INPP5D: variants seen among roughly 807,000 people sequenced by gnomAD.
INPP5D encodes the protein phosphatidylinositol 3,4,5-trisphosphate 5-phosphatase 1.
A neutral mutation model predicts 122.9 loss-of-function variants in INPP5D; 33 were observed. The observed-to-expected ratio is 0.27, with a 90% CI of 0.20 to 0.36. The LOEUF (loss-of-function observed/expected upper bound fraction) is 0.36, where lower values mean the gene tolerates loss of function less well. Ranked by LOEUF, INPP5D falls within the 10% of genes least tolerant of loss-of-function variation. The pLI is 1.00. For missense variants in INPP5D, 1,053 were observed against 1,412.7 expected (o/e 0.75, Z 4.08); for synonymous variants, 584 against 576.2 (o/e 1.01, Z -0.19).
intron 2 of INPP5D, among the ~76,000 whole-genome samples, chr2:233,112,534 A>G (rs1439819810): frequency 1.3e-5 from 2 of 152,180 alleles, no homozygotes; most frequent in Non-Finnish European, 2.9e-5. Flanking sequence ...GCTATCTTTC[A>G]TGGAGGATGA....
At chr2:233,194,531 T>G (rs1695134543) in intron 23 of INPP5D, among the ~76,000 whole-genome samples, 1 of 127,238 alleles carries the variant, frequency 7.9e-6, no homozygotes, top group African/African-American at 3.0e-5. Context: ...AGAGTCTCAC[T>G]CTGTGGCTCA....
chr2:233,163,947 C>T (rs753257884), intron 12 of INPP5D, 44 bp downstream of exon 12: 3 of 1,597,500 alleles, frequency 1.9e-6, no homozygotes, highest in Non-Finnish European at 2.6e-6. Context: ...GGGATAGAAT[C>T]TTTGCTCGGC....
rs1444784028 is a variant in INPP5D at position 233,183,757 on chromosome 2, G to C, written c.2162-651G>C. 6.6e-6 allele frequency among the ~76,000 whole-genome samples: 1 copy of C among 152,232 alleles called. No individual in the cohort carries two copies. The highest frequency in any genetic ancestry group is 1.5e-5 in the Non-Finnish European group (1 of 68,046). On this transcript the variant is annotated intron_variant, in intron 19 of 26. Transcript: ENST00000445964. This position sits in a 1 kb window ranked among gnomAD's most constrained non-coding sequence, Gnocchi z 4.6. The stretch of plus-strand genomic sequence containing the variant: ...CTGGGCACTGTGGGATTTAGAAAGA[G>C]AAAGGAAAGAAGGAAGGATGTGAGG...
intron 9 of INPP5D, among the ~76,000 whole-genome samples, chr2:233,152,427 T>C (rs1325922922): frequency 6.6e-6 from 1 of 152,170 alleles, no homozygotes; most frequent in Non-Finnish European, 1.5e-5. Flanking sequence ...GGTACCAGGC[T>C]TTGGGATGCG....
At position 233,078,501 on chromosome 2, in the gene INPP5D, G is replaced by A. The variant is rs77431459; in HGVS notation, c.135-834G>A. 0.01 allele frequency among the ~76,000 whole-genome samples: 1,548 copies of A among 152,274 alleles called. 31 individuals are homozygous for A. Among genetic ancestry groups the A allele is most frequent in the African/African-American group, 0.036 (1,481 of 41,542 alleles). ...ATCCACGGGGCATAGTGTCCAAGAG[G>A]ATGAAGCCATTTGGGGGTGGCAGGG... On this transcript the variant is annotated intron_variant, in intron 1 of 26. Coordinates refer to ENST00000445964, the MANE Select transcript of INPP5D (RefSeq NM_001017915.3). This position sits in a 1 kb window ranked among gnomAD's most constrained non-coding sequence, Gnocchi z 4.6.
intron 23 of INPP5D, among the ~76,000 whole-genome samples, chr2:233,195,160 A>G (rs1695149563): frequency 6.6e-6 from 1 of 152,074 alleles, no homozygotes; most frequent in African/African-American, 2.4e-5. Flanking sequence ...AGTAAGTTGG[A>G]AATGTCACAT....
In INPP5D at chr2:233,204,200, T is replaced by C. The variant is rs1302394550; in HGVS notation, c.3050T>C (p.Phe1017Ser). The part of the protein sequence containing the change: ...EDLPLTKPEM[F>S]ENPLYGSLSS... Reference sequence around the variant, plus strand: ...CTGCCGCTGACGAAGCCCGAGATGTTTGAGAACCCCCTGTATGGGTCCCTG... The same window carrying C: ...CTGCCGCTGACGAAGCCCGAGATGTCTGAGAACCCCCTGTATGGGTCCCTG... The change falls in exon 26 of 27, where the codon TTT becomes TCT. Residue 1017 changes from phenylalanine to serine, a missense_variant. Physicochemically the swap from Phe to Ser is radical, Grantham distance 155 (BLOSUM62 -2). This residue lies in a region of INPP5D where 417 missense variants were observed against 425.8 expected (regional missense o/e 0.98). Coordinates refer to ENST00000445964, the MANE Select transcript of INPP5D (RefSeq NM_001017915.3). The C allele has an allele frequency of 1.9e-6, 3 of 1,612,700 alleles. No individual in the cohort carries two copies. Among genetic ancestry groups the C allele is most frequent in the South Asian group, 2.2e-5 (2 of 90,930 alleles).
chr2:233,092,101 A>G (rs1388808376), intron 2 of INPP5D, among the ~76,000 whole-genome samples: 1 of 152,212 alleles, frequency 6.6e-6, no homozygotes, highest in African/African-American at 2.4e-5. Flanking sequence ...GTAGGCGTTC[A>G]GGGCCAATGT....
intron 2 of INPP5D, among the ~76,000 whole-genome samples, chr2:233,119,605 C>T (rs1474624179): frequency 6.6e-6 from 1 of 150,672 alleles, no homozygotes; most frequent in South Asian, 2.1e-4. Flanking sequence ...CTAACTAAGA[C>T]ACACACACAC....
intron 26 of INPP5D, 162 bp downstream of exon 26, chr2:233,204,879 C>G: frequency 8.4e-7 from 1 of 1,195,192 alleles, no homozygotes; most frequent in Non-Finnish European, 1.1e-6. Flanking sequence ...AGTGATGGTC[C>G]TGGGAACTGC....
chr2:233,155,900 G>A (rs956529529), intron 9 of INPP5D, among the ~76,000 whole-genome samples: 3 of 152,194 alleles, frequency 2.0e-5, no homozygotes, highest in Admixed American at 1.3e-4. Context: ...GCAAAAGATA[G>A]ATTACGCCCT....
chr2:233,076,914 A>G (rs982423610), intron 1 of INPP5D, among the ~76,000 whole-genome samples: 19 of 152,028 alleles, frequency 1.2e-4, no homozygotes, highest in African/African-American at 3.9e-4. Context: ...TTAGTAGGAG[A>G]AAAAAAAGGC....
intron 2 of INPP5D, among the ~76,000 whole-genome samples, chr2:233,093,973 T>A (rs915018347): frequency 1.3e-5 from 2 of 151,956 alleles, no homozygotes; most frequent in African/African-American, 4.8e-5. Context: ...CCCTGGAGTC[T>A]GAGAAACAGA....
rs1694203280 is a variant in INPP5D at position 233,161,710 on chromosome 2, C to T, written c.1138-14C>T. 2 of 1,608,634 alleles carry T rather than the reference C, an allele frequency of 1.2e-6. No homozygotes were observed. Among genetic ancestry groups the T allele is most frequent in the Non-Finnish European group, 1.7e-6 (2 of 1,177,402 alleles). On this transcript the variant is annotated splice_polypyrimidine_tract_variant and intron_variant, in intron 10 of 26. Transcript: ENST00000445964. ...CAGAGGCCTTTCTAAGTCTGTCTGC[C>T]CTTCCATCCCTAGAAGAGAGAAGGC...
At position 233,100,741 on chromosome 2, in the gene INPP5D, G is replaced by A. The variant is rs1352350212; in HGVS notation, c.198+21343G>A. ...TTCAGTTCCTTTGCAGGTGTGACCT[G>A]TCTGCTCCTGTTAGAGCCTCCTTTC... On this transcript the variant is annotated intron_variant, in intron 2 of 26. Coordinates refer to ENST00000445964, the MANE Select transcript of INPP5D (RefSeq NM_001017915.3). This position sits in a 1 kb window ranked among gnomAD's most constrained non-coding sequence, Gnocchi z 5.3. Among the ~76,000 whole-genome samples the A allele has an allele frequency of 6.6e-6, 1 of 152,222 alleles. No homozygotes were observed. Among genetic ancestry groups the A allele is most frequent in the Admixed American group, 6.5e-5 (1 of 15,292 alleles).
intron 9 of INPP5D, 130 bp downstream of exon 9, chr2:233,147,724 T>G (rs568918998): frequency 1.6e-5 from 10 of 620,734 alleles, no homozygotes; most frequent in Non-Finnish European, 2.9e-5. Context: ...GCGCTCATGC[T>G]TTTGTGTGTG....
intron 14 of INPP5D, chr2:233,169,794 C>T (rs896997977): frequency 5.0e-5 from 34 of 675,642 alleles, no homozygotes; most frequent in Admixed American, 3.9e-4. Flanking sequence ...TGCTGCTGCT[C>T]CTGGTCCCCT....
At chr2:233,201,554 C>G (rs1695342706) in intron 25 of INPP5D, among the ~76,000 whole-genome samples, 1 of 152,210 alleles carries the variant, frequency 6.6e-6, no homozygotes, top group Non-Finnish European at 1.5e-5. Flanking sequence ...CAGGCTCAGC[C>G]AGAGCAAAGG....
At position 233,125,855 on chromosome 2, in the gene INPP5D, G is replaced by A. The variant is rs548356548; in HGVS notation, c.460G>A (p.Glu154Lys). The A allele has an allele frequency of 1.5e-5, 25 of 1,613,740 alleles. No homozygotes were observed. The Admixed American group carries it at 2.2e-4, about 14-fold the overall frequency. The change falls in exon 4 of 27, where the codon GAG becomes AAG. Residue 154 changes from glutamate (E) to lysine (K), a missense_variant. By Grantham distance (56) the Glu-to-Lys change is moderately conservative. Coordinates refer to ENST00000445964, the MANE Select transcript of INPP5D (RefSeq NM_001017915.3). ...PFSNENPRAT[E>K]TSRPSLSETL... is the part of the protein sequence containing the mutation. ...TTCAAACGAGAATCCCCGAGCGACC[G>A]AGACCAGCCGGCCGAGCCTCTCCGA...
Sources: gnomAD v4.1 joint callset for allele counts (sites outside exome capture counted in the v4.1 genomes callset) on GRCh38, gnomAD v4.1.1 for gene constraint, gnomAD v4.1.1 regional missense constraint, Gnocchi (gnomAD v3.1) non-coding constraint, MANE v1.5 for transcripts, NCBI Gene and HGNC (gene_info 2026-07-23, HGNC 2026-07-21) for gene names.